Variants in MICU1 observed in about 807,000 individuals in gnomAD.
MICU1 encodes calcium uptake protein 1, mitochondrial.
Under a neutral mutation model 56.8 loss-of-function variants are expected in MICU1, and 45 were observed. That is an observed-to-expected ratio of 0.79 (90% CI 0.62 to 1.02). MICU1 has a LOEUF of 1.02. Ranked by LOEUF, MICU1 falls within the 50% of genes least tolerant of loss-of-function variation. The probability of loss-of-function intolerance (pLI) is 0.00; values close to 1 mark genes in which losing one functional copy is unlikely to be tolerated. For missense variants in MICU1, 504 were observed against 587.1 expected, an observed-to-expected ratio of 0.86 and a Z score of 1.46; for synonymous variants, 186 against 195.1, an observed-to-expected ratio of 0.95 and a Z score of 0.39.
At chr10:72,560,510 G>C (rs1792968134) in intron 3 of MICU1, 1 of 152,108 alleles carries the variant, frequency 6.6e-6, no homozygotes, top group African/African-American at 2.4e-5. Context: ...ATTTTAAGAG[G>C]TGCAATCTCT....
intron 10 of MICU1, among the ~76,000 whole-genome samples, chr10:72,376,437 G>A (rs111540454): frequency 0.013 from 1,906 of 151,934 alleles, 45 homozygotes; most frequent in African/African-American, 0.044. Context: ...TGTAATCCCA[G>A]CACTTTGGGA....
At chr10:72,606,000 G>A (rs1312655659) in intron 1 of MICU1, among the ~76,000 whole-genome samples, 2 of 151,526 alleles carry the variant, frequency 1.3e-5, no homozygotes, top group African/African-American at 2.4e-5. Context: ...GCGTGGTGGC[G>A]CATGCCTGTA....
chr10:72,550,223 T>A (rs1033618930), intron 4 of MICU1, among the ~76,000 whole-genome samples: 1 of 152,226 alleles, frequency 6.6e-6, no homozygotes, highest in Non-Finnish European at 1.5e-5. Context: ...TACTATATCT[T>A]TTCTATGTTT....
At chr10:72,516,726 G>C (rs1221779067) in intron 5 of MICU1, among the ~76,000 whole-genome samples, 4 of 151,960 alleles carry the variant, frequency 2.6e-5, no homozygotes, top group Admixed American at 2.6e-4. Context: ...GTCAGGTTTT[G>C]CAAAGATCAG....
intron 8 of MICU1, among the ~76,000 whole-genome samples, chr10:72,441,008 T>C (rs1432762332): frequency 4.6e-5 from 7 of 152,212 alleles, no homozygotes; most frequent in Non-Finnish European, 1.0e-4. Flanking sequence ...CTCAAGGATC[T>C]AGAACCAGAA....
chr10:72,374,069 CCTTT>C (rs1436651851), intron 11 of MICU1, among the ~76,000 whole-genome samples: 3 of 152,300 alleles, frequency 2.0e-5, no homozygotes, highest in African/African-American at 7.2e-5. Flanking sequence ...CCTAGGGCTT[CCTTT>C]GAGTTCAACC....
chr10:72,412,885 C>T (rs536810529), intron 9 of MICU1, among the ~76,000 whole-genome samples: 47 of 137,768 alleles, frequency 3.4e-4, no homozygotes, highest in Non-Finnish European at 6.4e-4. Flanking sequence ...GTGGATAAAA[C>T]TTTTAGAAGA....
At chr10:72,546,251 G>C (rs1006765966) in intron 4 of MICU1, among the ~76,000 whole-genome samples, 2 of 152,212 alleles carry the variant, frequency 1.3e-5, no homozygotes, top group African/African-American at 4.8e-5. Flanking sequence ...ATGACCAAAA[G>C]AGGGGAATTG....
chr10:72,415,013 G>GTTTTT (rs71018285), intron 9 of MICU1, among the ~76,000 whole-genome samples: 1 of 114,268 alleles, frequency 8.8e-6, no homozygotes, highest in Non-Finnish European at 1.9e-5. Context: ...CTCCTGCTTA[G>GTTTTT]TTTTTTTTTT....
intron 6 of MICU1, among the ~76,000 whole-genome samples, chr10:72,499,209 A>C (rs1290523954): frequency 6.6e-6 from 1 of 152,188 alleles, no homozygotes; most frequent in African/African-American, 2.4e-5. Flanking sequence ...CCTTGAACAA[A>C]TCACAAGCAA....
chr10:72,543,340 A>G (rs780958041), intron 4 of MICU1, among the ~76,000 whole-genome samples: 1 of 152,180 alleles, frequency 6.6e-6, no homozygotes, highest in Non-Finnish European at 1.5e-5. Flanking sequence ...AAAATTATTA[A>G]CCAAATTAAA....
chr10:72,549,845 G>A (rs1039043076), intron 4 of MICU1, among the ~76,000 whole-genome samples: 1 of 147,440 alleles, frequency 6.8e-6, no homozygotes, highest in East Asian at 2.0e-4. Flanking sequence ...CTGGAGAATC[G>A]CTTGAACCCA....
chr10:72,422,642 G>C (rs11000295), intron 9 of MICU1, among the ~76,000 whole-genome samples: 1 of 151,634 alleles, frequency 6.6e-6, no homozygotes, highest in Non-Finnish European at 1.5e-5. Flanking sequence ...GCTGTTATAT[G>C]TGACATGGTA....
chr10:72,417,415 C>T (rs1864017323), intron 9 of MICU1, among the ~76,000 whole-genome samples: 1 of 147,344 alleles, frequency 6.8e-6, no homozygotes, highest in Non-Finnish European at 1.5e-5. Flanking sequence ...GATCAGGCCA[C>T]TGCACTCCAG....
At chr10:72,624,813 G>A (rs557208139) in intron 1 of MICU1, among the ~76,000 whole-genome samples, 1 of 152,278 alleles carries the variant, frequency 6.6e-6, no homozygotes, top group South Asian at 2.1e-4. Flanking sequence ...GGGACAAAGA[G>A]TAGCTGGAGG....
chr10:72,479,945 T>C (rs1190384234), intron 6 of MICU1, among the ~76,000 whole-genome samples: 1 of 152,262 alleles, frequency 6.6e-6, no homozygotes, highest in Non-Finnish European at 1.5e-5. Context: ...ATTTGCCTAA[T>C]TCCTGTAGAT....
chr10:72,458,041 C>A (rs937547465), intron 8 of MICU1, among the ~76,000 whole-genome samples: 4 of 151,870 alleles, frequency 2.6e-5, no homozygotes, highest in African/African-American at 9.7e-5. Context: ...GTGGCACGTG[C>A]CTGTAATCCC....
intron 5 of MICU1, among the ~76,000 whole-genome samples, chr10:72,515,829 TTC>T (rs1867630522): frequency 6.6e-6 from 1 of 152,176 alleles, no homozygotes. Context: ...CTTCCGAAAG[TTC>T]TTTTATGCCC....
At chr10:72,612,123 G>A (rs2132570200) in intron 1 of MICU1, among the ~76,000 whole-genome samples, 1 of 151,328 alleles carries the variant, frequency 6.6e-6, no homozygotes, top group South Asian at 2.1e-4. Context: ...GCTACGGAAA[G>A]AAATCTGTGT....
Sources: gnomAD v4.1 joint callset for allele counts (sites outside exome capture counted in the v4.1 genomes callset) on GRCh38, gnomAD v4.1.1 for gene constraint, MANE v1.5 for transcripts, NCBI Gene and HGNC (gene_info 2026-07-23, HGNC 2026-07-21) for gene names.